CTNND1: variants seen among roughly 807,000 people sequenced by gnomAD.
The protein encoded by CTNND1 is catenin delta-1.
In CTNND1, 16 loss-of-function variants were observed where a neutral mutation model predicts 112.1. That is an observed-to-expected ratio of 0.14 (90% CI 0.10 to 0.22). The LOEUF is 0.22. Ranked by LOEUF, CTNND1 falls within the 10% of genes least tolerant of loss-of-function variation. The pLI, the probability that CTNND1 is intolerant of heterozygous loss-of-function variation, is 1.00. For missense variants in CTNND1, 1,008 were observed against 1,257.0 expected (o/e 0.80, Z 3.00); for synonymous variants, 420 against 446.5 (o/e 0.94, Z 0.75).
At chr11:57,803,579 T>A (rs1389777985) in intron 7 of CTNND1, 42 bp from the exon 8 acceptor site, 1 of 1,505,832 alleles carries the variant, frequency 6.6e-7, no homozygotes, top group Non-Finnish European at 9.1e-7. Flanking sequence ...AGACATATTG[T>A]CTTGAATGCT....
intron 1 of CTNND1, among the ~76,000 whole-genome samples, chr11:57,772,078 C>T (rs1040690408): frequency 1.8e-4 from 27 of 151,308 alleles, no homozygotes; most frequent in Middle Eastern, 3.4e-3. Flanking sequence ...TGCACTACTA[C>T]ACCCAGCTAA....
At chr11:57,805,806 A>C (rs1270408182) in intron 9 of CTNND1, 76 bp from the exon 10 acceptor site, 1 of 1,496,830 alleles carries the variant, frequency 6.7e-7, no homozygotes, top group Non-Finnish European at 9.1e-7. Flanking sequence ...TTAATACCTG[A>C]GTCATGGAAA....
intron 10 of CTNND1, 72 bp from the exon 11 acceptor site, chr11:57,806,389 G>C: frequency 7.3e-7 from 1 of 1,369,546 alleles, no homozygotes; most frequent in Non-Finnish European, 1.0e-6. Context: ...TGATTCTGCT[G>C]ACATCTTTCT....
intron 1 of CTNND1, among the ~76,000 whole-genome samples, chr11:57,778,622 G>T (rs2059257346): frequency 6.6e-6 from 1 of 152,218 alleles, no homozygotes; most frequent in Non-Finnish European, 1.5e-5. Flanking sequence ...ACATGATAAG[G>T]AGCTGAGCAG....
chr11:57,765,460 A>ATTTTTTTTT (rs5792061), intron 1 of CTNND1, among the ~76,000 whole-genome samples: 2 of 105,600 alleles, frequency 1.9e-5, no homozygotes, highest in Non-Finnish European at 3.7e-5. Flanking sequence ...TCCTCCCTTA[A>ATTTTTTTTT]TTTTTTTTTT....
chr11:57,806,374 G>T, intron 10 of CTNND1, 87 bp from the exon 11 acceptor site: 1 of 1,221,870 alleles, frequency 8.2e-7, no homozygotes, highest in South Asian at 1.3e-5. Context: ...CTGCTTATTT[G>T]CCCATGATTC....
In CTNND1 at chr11:57,803,729, G is replaced by C. The variant is rs1367138525; in HGVS notation, c.1529G>C (p.Arg510Pro). 9 of 1,613,362 alleles carry C rather than the reference G, an allele frequency of 5.6e-6. No homozygotes were observed. Among genetic ancestry groups the C allele is most frequent in the Non-Finnish European group, 7.6e-6 (9 of 1,179,690 alleles). The change falls in exon 8 of 21, where the codon CGG (arginine) becomes CCG (proline). Residue 510 changes from arginine (R) to proline (P), a missense_variant. Physicochemically the swap from Arg to Pro is moderately radical, Grantham distance 103 (BLOSUM62 -2). Coordinates refer to ENST00000399050, the MANE Select transcript of CTNND1 (RefSeq NM_001085458.2). The stretch of plus-strand genomic sequence containing the variant: ...ATCATTCCTCATTCTGGTTGGGAGC[G>C]GGAACCTAATGAAGACTGTAAGCCA... ...EVIIPHSGWEREPNEDCKPRH... is the reference protein window; with the variant it reads ...EVIIPHSGWEPEPNEDCKPRH...
At chr11:57,809,942 C>T (rs564825748) in intron 15 of CTNND1, among the ~76,000 whole-genome samples, 167 bp from the exon 16 acceptor site, 1 of 152,234 alleles carries the variant, frequency 6.6e-6, no homozygotes, top group African/African-American at 2.4e-5. Flanking sequence ...ATCTCCTGAC[C>T]TCAGGTGATC....
chr11:57,787,593 C>T lies in CTNND1; in HGVS notation c.-213-1444C>T, dbSNP rs79010652. Among the ~76,000 whole-genome samples, 347 of 152,186 alleles carry T rather than the reference C, an allele frequency of 2.3e-3. 1 individual carries two copies. The highest frequency in any genetic ancestry group is 4.1e-3 in the Non-Finnish European group (279 of 68,008). On this transcript the variant is annotated intron_variant, in intron 1 of 20. Coordinates refer to ENST00000399050, the MANE Select transcript of CTNND1 (RefSeq NM_001085458.2). ...TTTTCCCCAATTTGGTTCCTGGAAACGGGGCAAATGGATTTGGCATCTTAC... is the reference window on the plus strand; with the variant it reads ...TTTTCCCCAATTTGGTTCCTGGAAATGGGGCAAATGGATTTGGCATCTTAC...
intron 7 of CTNND1, 84 bp downstream of exon 7, chr11:57,802,280 A>G: frequency 1.6e-6 from 2 of 1,225,498 alleles, no homozygotes; most frequent in South Asian, 1.5e-5. Context: ...CAGACCTTTT[A>G]CTTTTGATGA....
intron 14 of CTNND1, 33 bp downstream of exon 14, chr11:57,808,573 A>C: frequency 6.5e-7 from 1 of 1,544,124 alleles, no homozygotes; most frequent in Non-Finnish European, 8.7e-7. Flanking sequence ...TTACCTCAAA[A>C]TTTAGTACAG....
At chr11:57,815,337 A>G in intron 18 of CTNND1, 57 bp from the exon 19 acceptor site, 1 of 1,021,764 alleles carries the variant, frequency 9.8e-7, no homozygotes, top group Non-Finnish European at 1.4e-6. Flanking sequence ...TGTTTGATAT[A>G]CGTTTTACAC....
chr11:57,816,974 T>C lies in CTNND1; in HGVS notation c.*666T>C, dbSNP rs770145462. ...CCATCAAGAACCTACAGACTCCATC[T>C]CTTCTGCAAGCCTCATGCCAACCCT... On this transcript the variant is annotated 3_prime_UTR_variant, in exon 21 of 21. Coordinates refer to ENST00000399050, the MANE Select transcript of CTNND1 (RefSeq NM_001085458.2). 76 of 154,000 alleles carry C rather than the reference T, an allele frequency of 4.9e-4. No individual in the cohort carries two copies. The highest frequency in any genetic ancestry group is 3.3e-3 in the Middle Eastern group (1 of 306). The allele number at this position is 154,000 out of a possible 1,614,324, so 9.5% of individuals were successfully genotyped here.
chr11:57,817,342 T>G lies in CTNND1; in HGVS notation c.*1034T>G, dbSNP rs2137752617. On this transcript the variant is annotated 3_prime_UTR_variant, in exon 21 of 21. Coordinates refer to ENST00000399050, the MANE Select transcript of CTNND1 (RefSeq NM_001085458.2). ...GTACATAACTCCTGTCCCTTTTCCC[T>G]TACAAGGTGGGGATTGCCCCTGGCT... 1 of 152,802 alleles carries G rather than the reference T, an allele frequency of 6.5e-6. No homozygotes were observed. Among genetic ancestry groups the G allele is most frequent in the East Asian group, 1.9e-4 (1 of 5,198 alleles). 9.5% of individuals were successfully genotyped at this position (152,802 alleles called of 1,614,324 possible).
intron 17 of CTNND1, among the ~76,000 whole-genome samples, chr11:57,812,994 CTT>C (rs772637463): frequency 1.2e-4 from 18 of 152,106 alleles, no homozygotes; most frequent in Admixed American, 2.0e-4. Flanking sequence ...TTTTGAAAAA[CTT>C]TTATTTGCCA....
At chr11:57,814,151 CA>C in intron 17 of CTNND1, 159 bp from the exon 18 acceptor site, 1 of 610,076 alleles carries the variant, frequency 1.6e-6, no homozygotes, top group Non-Finnish European at 3.0e-6. Flanking sequence ...CTCATCTCTA[CA>C]AAAAGCTTAA....
At chr11:57,802,931 A>G (rs924293911) in intron 7 of CTNND1, among the ~76,000 whole-genome samples, 2 of 152,162 alleles carry the variant, frequency 1.3e-5, no homozygotes, top group African/African-American at 4.8e-5. Flanking sequence ...AACTTGGAAC[A>G]GGGGAGAGGG....
At chr11:57,764,051 G>A (rs574285528) in intron 1 of CTNND1, 1 of 152,300 alleles carries the variant, frequency 6.6e-6, no homozygotes. Flanking sequence ...GAATTATAAG[G>A]GATGCAGATA....
At chr11:57,797,325 G>A (rs58132137) in intron 6 of CTNND1, among the ~76,000 whole-genome samples, 41,661 of 148,130 alleles carry the variant, frequency 0.28, 6,853 homozygotes, top group East Asian at 0.79. Context: ...CCGCCTCCTG[G>A]GTTCAAGTGA....
Sources: gnomAD v4.1 joint callset for allele counts (sites outside exome capture counted in the v4.1 genomes callset) on GRCh38, gnomAD v4.1.1 for gene constraint, MANE v1.5 for transcripts, NCBI Gene and HGNC (gene_info 2026-07-23, HGNC 2026-07-21) for gene names.